Variants in NBEAL1 observed in about 807,000 individuals in gnomAD.
NBEAL1 encodes the protein neurobeachin-like protein 1.
A neutral mutation model predicts 351.3 loss-of-function variants in NBEAL1; 273 were observed. The observed-to-expected ratio is 0.78, with a 90% confidence interval of 0.70 to 0.86. The LOEUF is 0.86. Ranked by LOEUF, NBEAL1 falls within the 40% of genes least tolerant of loss-of-function variation. The pLI, the probability that NBEAL1 is intolerant of heterozygous loss-of-function variation, is 0.00. For missense variants in NBEAL1, 2,961 were observed against 3,201.3 expected (o/e 0.92, Z 1.81); for synonymous variants, 1,050 against 1,086.4 (o/e 0.97, Z 0.66).
intron 7 of NBEAL1, among the ~76,000 whole-genome samples, chr2:203,070,386 CAG>C (rs2061662417): frequency 3.3e-5 from 3 of 91,278 alleles, no homozygotes; most frequent in Admixed American, 1.5e-4. Flanking sequence ...TTTTGAGAAA[CAG>C]GGTATTGCTC....
chr2:203,089,072 C>CT (rs2062017943), intron 10 of NBEAL1, among the ~76,000 whole-genome samples: 1 of 151,902 alleles, frequency 6.6e-6, no homozygotes, highest in South Asian at 2.1e-4. Context: ...AAGATCCTCA[C>CT]TTTAGGCCAG....
chr2:203,040,554 G>T, intron 2 of NBEAL1: 1 of 667,384 alleles, frequency 1.5e-6, no homozygotes, highest in South Asian at 1.4e-5. Context: ...AGTCTGTGCG[G>T]GAACTCACTT....
rs1250967139 is a variant in NBEAL1 at position 203,171,913 on chromosome 2, T to G, written c.6103-15T>G. On this transcript the variant is annotated splice_polypyrimidine_tract_variant and intron_variant, in intron 39 of 55. Coordinates refer to ENST00000683969, the MANE Select transcript of NBEAL1 (RefSeq NM_001378026.1). Reference sequence around the variant, plus strand: ...ATTTTTAAATTTTGATATTGCTCTTTTTTGTGCTGTCTAGAAATGGGTAAA... The same window carrying G: ...ATTTTTAAATTTTGATATTGCTCTTGTTTGTGCTGTCTAGAAATGGGTAAA... 6.6e-7 allele frequency: 1 copy of G among 1,508,746 alleles called. No individual in the cohort carries two copies. Among genetic ancestry groups the G allele is most frequent in the Non-Finnish European group, 9.0e-7 (1 of 1,107,046 alleles). The allele number at this position is 1,508,746 out of a possible 1,614,324, so 93.5% of individuals were successfully genotyped here. A position where few individuals can be genotyped will look rare whatever the true frequency, so the allele number is the denominator to read the frequency against.
intron 36 of NBEAL1, among the ~76,000 whole-genome samples, chr2:203,158,755 A>G (rs1186918998): frequency 6.7e-6 from 1 of 149,188 alleles, no homozygotes; most frequent in Non-Finnish European, 1.5e-5. Context: ...ATCATCTGAT[A>G]TCATTTCCTT....
chr2:203,201,585 G>C lies in NBEAL1; in HGVS notation c.7281G>C (p.Glu2427Asp), dbSNP rs1479084918. 5 of 1,605,596 alleles carry C rather than the reference G, an allele frequency of 3.1e-6. No individual in the cohort carries two copies. Among genetic ancestry groups the C allele is most frequent in the Non-Finnish European group, 4.3e-6 (5 of 1,175,600 alleles). ...SINGSFAPGL[E>D]ITSKLFVVSH... is the part of the protein sequence containing the mutation. The stretch of plus-strand genomic sequence containing the variant: ...ATGGTTCTTTTGCTCCCGGGCTAGA[G>C]ATCACTTCTAAGCTATTTGTAGTAT... The change falls in exon 50 of 56, where the codon GAG becomes GAC. Residue 2427 changes from glutamate to aspartate, a missense_variant. Transcript: ENST00000683969.
Position 203,107,821 on chromosome 2 carries a change from T to G in NBEAL1, c.1582T>G (p.Leu528Val). ...GATTAGAATCATTGAAACCCTTGAC[T>G]TGCATTCTTCCCTCCATCAAACTTG... ...MGIRIIETLD[L>V]HSSLHQTCAE... The change falls in exon 14 of 56, where the codon TTG becomes GTG. Residue 528 changes from leucine to valine, a missense_variant. By Grantham distance (32) the Leu-to-Val change is conservative. Coordinates refer to ENST00000683969, the MANE Select transcript of NBEAL1 (RefSeq NM_001378026.1). 6.4e-7 allele frequency: 1 copy of G among 1,554,666 alleles called. No individual in the cohort carries two copies. Among genetic ancestry groups the G allele is most frequent in the Non-Finnish European group, 8.7e-7 (1 of 1,147,820 alleles).
intron 51 of NBEAL1, among the ~76,000 whole-genome samples, chr2:203,204,541 T>A (rs910654478): frequency 1.3e-5 from 2 of 152,030 alleles, no homozygotes; most frequent in Non-Finnish European, 2.9e-5. Flanking sequence ...CTCTGCCATG[T>A]TACCCAGGCT....
intron 11 of NBEAL1, among the ~76,000 whole-genome samples, chr2:203,098,801 A>T (rs190513773): frequency 9.9e-5 from 15 of 152,142 alleles, no homozygotes; most frequent in Admixed American, 9.8e-4. Context: ...ATTTAATATA[A>T]AAATAGATAT....
At chr2:203,162,981 A>G (rs572756217) in intron 36 of NBEAL1, among the ~76,000 whole-genome samples, 5 of 152,124 alleles carry the variant, frequency 3.3e-5, no homozygotes, top group African/African-American at 4.8e-5. Context: ...GAAACCCGAA[A>G]CCCAGTCTCT....
chr2:203,213,907 C>A, intron 55 of NBEAL1: 1 of 516,916 alleles, frequency 1.9e-6, no homozygotes, highest in Non-Finnish European at 2.5e-6. Flanking sequence ...TCTTCCAAAT[C>A]TAGATTCAAG....
rs531162392 is a variant in NBEAL1, at chr2:203,218,726, C to T, written c.*1372C>T. On this transcript the variant is annotated 3_prime_UTR_variant, in exon 56 of 56. Transcript: ENST00000683969. ...TTCCTGTTGACCACAGTATCCAGTGCCCTTTTCTTTATAATCTTTTGAGTG... is the reference window on the plus strand; with the variant it reads ...TTCCTGTTGACCACAGTATCCAGTGTCCTTTTCTTTATAATCTTTTGAGTG... 6.6e-6 allele frequency: 1 copy of T among 152,146 alleles called. No homozygotes were observed. The highest frequency in any genetic ancestry group is 2.4e-5 in the African/African-American group (1 of 41,520). 9.4% of individuals were successfully genotyped at this position (152,146 alleles called of 1,614,324 possible). A position where few individuals can be genotyped will look rare whatever the true frequency, so the allele number is the denominator to read the frequency against.
Position 203,083,306 on chromosome 2 carries a change from C to T in NBEAL1, c.772C>T (p.Pro258Ser). ...ADCDSWEDGD[P>S]EEVGRKAELT... Reference sequence around the variant, plus strand: ...TTGTGATTCCTGGGAGGATGGAGATCCTGAAGAAGTGGGTAGGAAGGCAGA... The same window carrying T: ...TTGTGATTCCTGGGAGGATGGAGATTCTGAAGAAGTGGGTAGGAAGGCAGA... The change falls in exon 9 of 56, where the codon CCT (proline) becomes TCT (serine). Residue 258 changes from proline (P) to serine (S), a missense_variant. Physicochemically the swap from Pro to Ser is moderately conservative, Grantham distance 74. Transcript: ENST00000683969. 1.3e-6 allele frequency: 2 copies of T among 1,553,196 alleles called. No individual in the cohort carries two copies. The highest frequency in any genetic ancestry group is 2.4e-5 in the East Asian group (1 of 41,416).
At chr2:203,033,859 C>G (rs1277146983) in intron 2 of NBEAL1, among the ~76,000 whole-genome samples, 6 of 152,162 alleles carry the variant, frequency 3.9e-5, no homozygotes, top group Non-Finnish European at 7.4e-5. Flanking sequence ...TGTTTTCTCT[C>G]TGTCTGGATT....
chr2:203,208,793 A>G (rs753179609), intron 52 of NBEAL1, 40 bp downstream of exon 52: 16 of 1,433,400 alleles, frequency 1.1e-5, no homozygotes, highest in South Asian at 6.3e-5. Flanking sequence ...TATTTTGTCT[A>G]CAAATTTATT....
At chr2:203,180,551 C>G (rs752967463) in intron 43 of NBEAL1, 39 bp downstream of exon 43, 2 of 1,552,920 alleles carry the variant, frequency 1.3e-6, no homozygotes, top group East Asian at 2.3e-5. Context: ...TAGCAGGTCC[C>G]AATGGAGGAG....
At chr2:203,119,487 G>A (rs1213058448) in intron 18 of NBEAL1, among the ~76,000 whole-genome samples, 1 of 132,270 alleles carries the variant, frequency 7.6e-6, no homozygotes, top group Non-Finnish European at 1.6e-5. Flanking sequence ...GTGCAGTGGC[G>A]CAATCTTGGC....
At chr2:203,075,056 CT>C in intron 7 of NBEAL1, 1 of 152,320 alleles carries the variant, frequency 6.6e-6, no homozygotes, top group Non-Finnish European at 1.5e-5. Flanking sequence ...GGGTGGATGC[CT>C]TTTAGCCCTG....
At chr2:203,150,428 G>GTA (rs1342524800) in intron 34 of NBEAL1, among the ~76,000 whole-genome samples, 10 of 151,662 alleles carry the variant, frequency 6.6e-5, no homozygotes, top group African/African-American at 2.4e-4. Flanking sequence ...TTGTAAGAAT[G>GTA]TATATATAAA....
At chr2:203,116,491 G>T (rs1194906532) in intron 18 of NBEAL1, among the ~76,000 whole-genome samples, 3 of 152,032 alleles carry the variant, frequency 2.0e-5, no homozygotes, top group Admixed American at 6.6e-5. Context: ...GGAGAAAAAG[G>T]CCAGAAGGCA....
Sources: allele counts gnomAD v4.1 joint callset (sites outside exome capture counted in the v4.1 genomes callset), GRCh38; gene constraint gnomAD v4.1.1; transcripts MANE v1.5; gene names NCBI Gene and HGNC (gene_info 2026-07-23, HGNC 2026-07-21).